BTRC: variants seen among roughly 807,000 people sequenced by gnomAD.
The protein encoded by BTRC is beta-transducin repeat containing E3 ubiquitin protein ligase.
BTRC carries 42 observed loss-of-function variants against 85.5 expected under a neutral mutation model. That is an observed-to-expected ratio of 0.49 (90% CI 0.38 to 0.64). BTRC has a LOEUF of 0.64. BTRC is among the 30% of genes least tolerant of loss of function. BTRC has a pLI of 0.00. For synonymous variants in BTRC, 255 were observed against 263.3 expected, an observed-to-expected ratio of 0.97 and a Z score of 0.30; for missense variants, 594 against 743.5, an observed-to-expected ratio of 0.80 and a Z score of 2.34.
chr10:101,527,016 C>G (rs2062202469), intron 6 of BTRC, among the ~76,000 whole-genome samples: 1 of 152,182 alleles, frequency 6.6e-6, no homozygotes, highest in Non-Finnish European at 1.5e-5. Context: ...AAATACTTTT[C>G]TCTCAGAGTA....
intron 3 of BTRC, among the ~76,000 whole-genome samples, chr10:101,465,911 A>C (rs1288561886): frequency 6.6e-6 from 1 of 152,202 alleles, no homozygotes; most frequent in Non-Finnish European, 1.5e-5. Flanking sequence ...TCTTGGCATT[A>C]AATATGAACT....
chr10:101,429,963 A>C (rs1048387962), intron 1 of BTRC, among the ~76,000 whole-genome samples: 3 of 151,376 alleles, frequency 2.0e-5, no homozygotes, highest in Non-Finnish European at 4.4e-5. Flanking sequence ...CTTTCTGCTT[A>C]GTCTGCACAG....
intron 1 of BTRC, among the ~76,000 whole-genome samples, chr10:101,424,243 A>C (rs1054498614): frequency 2.0e-5 from 3 of 152,178 alleles, no homozygotes; most frequent in South Asian, 4.1e-4. Flanking sequence ...TCAAAGAAAA[A>C]AAAAGAATCC....
chr10:101,415,809 G>A (rs1352495827), intron 1 of BTRC, among the ~76,000 whole-genome samples: 1 of 152,056 alleles, frequency 6.6e-6, no homozygotes, highest in Non-Finnish European at 1.5e-5. Flanking sequence ...CCAAAGTGCT[G>A]GGATTACAGG....
intron 2 of BTRC, among the ~76,000 whole-genome samples, chr10:101,456,989 C>T (rs1205828418): frequency 6.6e-6 from 1 of 152,034 alleles, no homozygotes; most frequent in African/African-American, 2.4e-5. Flanking sequence ...CAGTGGATGC[C>T]TAAACCACAG....
At chr10:101,441,588 GT>G (rs1180982402) in intron 2 of BTRC, among the ~76,000 whole-genome samples, 3 of 152,184 alleles carry the variant, frequency 2.0e-5, no homozygotes, top group African/African-American at 7.2e-5. Flanking sequence ...CTACTAGAAA[GT>G]TTTTTCTTGG....
Position 101,526,126 on chromosome 10 carries a change from C to G in BTRC, c.670C>G (p.Leu224Val). 1 of 1,614,134 alleles carries G rather than the reference C, an allele frequency of 6.2e-7. No individual in the cohort carries two copies. The highest frequency in any genetic ancestry group is 8.5e-7 in the Non-Finnish European group (1 of 1,180,026). ...EWYRVTSDGM[L>V]WKKLIERMVR... ...GTACCGAGTGACCTCTGATGGCATGCTGTGGAAGAAGCTTATCGAGAGAAT... is the reference window on the plus strand; with the variant it reads ...GTACCGAGTGACCTCTGATGGCATGGTGTGGAAGAAGCTTATCGAGAGAAT... Residue 224 changes from leucine (L) to valine (V), a missense_variant, in exon 6 of 15, where the codon CTG becomes GTG. By Grantham distance (32) the Leu-to-Val change is conservative. Around this residue, in one of 4 missense-constraint regions of BTRC, gnomAD observed 373 missense variants for 503.6 expected, o/e 0.74. Coordinates refer to ENST00000370187, the MANE Select transcript of BTRC (RefSeq NM_033637.4).
intron 1 of BTRC, among the ~76,000 whole-genome samples, chr10:101,427,461 A>ATTT (rs34459504): frequency 4.4e-4 from 54 of 122,956 alleles, no homozygotes; most frequent in Admixed American, 4.2e-4. Context: ...TATGTTAAGG[A>ATTT]TTTTTTTTTT....
chr10:101,479,585 G>C (rs556756983), intron 4 of BTRC, 128 bp downstream of exon 4: 1 of 619,892 alleles, frequency 1.6e-6, no homozygotes, highest in Non-Finnish European at 2.6e-6. Context: ...ATACAAACAG[G>C]CATCATTTTA....
chr10:101,447,383 T>C (rs987523471), intron 2 of BTRC, among the ~76,000 whole-genome samples: 4 of 152,216 alleles, frequency 2.6e-5, no homozygotes, highest in Admixed American at 2.6e-4. Context: ...TGTACAGCAG[T>C]GATAGGCAAC....
At position 101,528,001 on chromosome 10, in the gene BTRC, G is replaced by A. The variant is rs146852288; in HGVS notation, c.743+1802G>A. Among the ~76,000 whole-genome samples the A allele has an allele frequency of 3.0e-3, 457 of 152,150 alleles. 2 individuals carry two copies. The highest frequency in any genetic ancestry group is 0.011 in the African/African-American group (439 of 41,514). On this transcript the variant is annotated intron_variant, in intron 6 of 14. Coordinates refer to ENST00000370187, the MANE Select transcript of BTRC (RefSeq NM_033637.4). ...TCCATCATTTTGCTAAGAGTGCTGG[G>A]ACCAGCCTTGGGGATACAGCAGGCA...
chr10:101,389,830 G>T (rs11190983), intron 1 of BTRC, among the ~76,000 whole-genome samples: 54,760 of 151,496 alleles, frequency 0.36, 10,984 homozygotes, highest in Middle Eastern at 0.48. Flanking sequence ...TCACTATGTT[G>T]CCCAGCCTGG....
At chr10:101,367,250 A>G (rs1942492749) in intron 1 of BTRC, among the ~76,000 whole-genome samples, 1 of 148,922 alleles carries the variant, frequency 6.7e-6, no homozygotes, top group African/African-American at 2.5e-5. Flanking sequence ...TTGTATTTTT[A>G]GTAGAGACAA....
intron 13 of BTRC, among the ~76,000 whole-genome samples, chr10:101,545,889 T>G (rs1016131610): frequency 5.9e-5 from 9 of 152,154 alleles, no homozygotes; most frequent in Non-Finnish European, 1.5e-5. Flanking sequence ...AAGTGTTGTA[T>G]AAGGATAAAG....
At chr10:101,417,673 T>C (rs1323235140) in intron 1 of BTRC, among the ~76,000 whole-genome samples, 1 of 152,200 alleles carries the variant, frequency 6.6e-6, no homozygotes, top group African/African-American at 2.4e-5. Flanking sequence ...ACAGTTTATA[T>C]TTTGTTTCAT....
chr10:101,495,987 A>G (rs1218639267), intron 4 of BTRC, among the ~76,000 whole-genome samples: 2 of 142,416 alleles, frequency 1.4e-5, no homozygotes, highest in Non-Finnish European at 3.0e-5. Context: ...TTTGAGCCTC[A>G]TATAAATGGA....
intron 6 of BTRC, among the ~76,000 whole-genome samples, chr10:101,529,513 T>G (rs1013934154): frequency 6.6e-6 from 1 of 152,206 alleles, no homozygotes; most frequent in African/African-American, 2.4e-5. Context: ...ATTCAAAATC[T>G]ATTATTTGCC....
chr10:101,406,477 C>T (rs1943624918), intron 1 of BTRC, among the ~76,000 whole-genome samples: 1 of 127,444 alleles, frequency 7.8e-6, no homozygotes, highest in African/African-American at 2.9e-5. Flanking sequence ...TGCTTATACT[C>T]TTTGTTCCGA....
At chr10:101,520,288 T>G (rs1489838398) in intron 4 of BTRC, among the ~76,000 whole-genome samples, 2 of 151,814 alleles carry the variant, frequency 1.3e-5, no homozygotes, top group Non-Finnish European at 2.9e-5. Context: ...GGATTACAGG[T>G]GTGTTCTCCT....
Sources: gnomAD v4.1 joint callset for allele counts (sites outside exome capture counted in the v4.1 genomes callset) on GRCh38, gnomAD v4.1.1 for gene constraint, gnomAD v4.1.1 regional missense constraint, MANE v1.5 for transcripts, NCBI Gene and HGNC (gene_info 2026-07-23, HGNC 2026-07-21) for gene names.